The following ATP2B4 variants were observed in gnomAD, a reference collection of about 807,000 sequenced individuals.
The protein encoded by ATP2B4 is ATPase plasma membrane Ca2+ transporting 4.
In ATP2B4, 39 loss-of-function variants were observed where a neutral mutation model predicts 110.3. The observed-to-expected ratio is 0.35, with a 90% CI of 0.27 to 0.46. The LOEUF is 0.46. ATP2B4 is among the 20% of genes least tolerant of loss of function. ATP2B4 has a pLI of 1.00. For synonymous variants in ATP2B4, 538 were observed against 571.7 expected (o/e 0.94, Z 0.84); for missense variants, 1,135 against 1,530.9 (o/e 0.74, Z 4.32).
intron 1 of ATP2B4, among the ~76,000 whole-genome samples, chr1:203,646,871 C>A (rs533030820): frequency 1.1e-4 from 16 of 152,164 alleles, no homozygotes; most frequent in Non-Finnish European, 1.5e-4. Flanking sequence ...AAAACTAAAA[C>A]GTTCACAAGT....
At position 203,671,198 on chromosome 1, in the gene ATP2B4, C is replaced by T. The variant is rs1016495935; in HGVS notation, c.-464-11544C>T. Among the ~76,000 whole-genome samples the T allele has an allele frequency of 4.2e-4, 64 of 152,146 alleles. 1 individual carries two copies. The highest frequency in any genetic ancestry group is 8.5e-4 in the Admixed American group (13 of 15,264). On this transcript the variant is annotated intron_variant, in intron 1 of 20. Coordinates refer to ENST00000357681, the MANE Select transcript of ATP2B4 (RefSeq NM_001684.5). Reference sequence around the variant, plus strand: ...TACTCACATGTTGTTTAGTGATTGACGACCTATAGCATATTTATTAGTCAG... The same window carrying T: ...TACTCACATGTTGTTTAGTGATTGATGACCTATAGCATATTTATTAGTCAG...
rs1665902164 is a variant in ATP2B4, at chr1:203,708,056, C to G, written c.1509C>G (p.Leu503=). Residue 503 remains leucine, a synonymous_variant, in exon 10 of 21, where the codon CTC becomes CTG. Transcript: ENST00000357681. ...PDVFLPKVLD[L]IVNGISINSA... is the part of the protein sequence containing the mutation. ...TCTTCCTGCCCAAAGTCCTGGACCT[C>G]ATTGTCAATGGCATTTCTATCAACA... The G allele has an allele frequency of 1.2e-6, 2 of 1,614,064 alleles. No individual in the cohort carries two copies. The highest frequency in any genetic ancestry group is 2.2e-5 in the South Asian group (2 of 91,086).
rs1412159559 is a variant in ATP2B4 at position 203,739,965 on chromosome 1, G to C, written c.*111G>C. On this transcript the variant is annotated 3_prime_UTR_variant, in exon 21 of 21. Transcript: ENST00000357681. ...TGTCACGTCAGCTGCTGTGTTAACA[G>C]CAGTGTGTGTGAAGTGAACCTCTAC... The C allele has an allele frequency of 2.2e-5, 26 of 1,200,520 alleles. No individual in the cohort carries two copies. Among genetic ancestry groups the C allele is most frequent in the Non-Finnish European group, 3.0e-5 (26 of 869,198 alleles). The allele number at this position is 1,200,520 out of a possible 1,614,324, so 74.4% of individuals were successfully genotyped here.
chr1:203,699,599 C>T lies in ATP2B4; in HGVS notation c.531C>T (p.Phe177=), dbSNP rs1665630846. Residue 177 remains phenylalanine (F), a synonymous_variant, in exon 4 of 21, where the codon TTC becomes TTT. Coordinates refer to ENST00000357681, the MANE Select transcript of ATP2B4 (RefSeq NM_001684.5). ...ATGATTGGAGCAAAGAGAAGCAATT[C>T]CGGGGGCTGCAGTGCCGCATTGAAC... ...AFNDWSKEKQ[F]RGLQCRIEQE... The T allele has an allele frequency of 6.2e-7, 1 of 1,614,140 alleles. No homozygotes were observed. The highest frequency in any genetic ancestry group is 8.5e-7 in the Non-Finnish European group (1 of 1,180,048).
At chr1:203,645,676 C>T (rs563174540) in intron 1 of ATP2B4, among the ~76,000 whole-genome samples, 4 of 151,674 alleles carry the variant, frequency 2.6e-5, no homozygotes, top group East Asian at 1.9e-4. Context: ...ACTGCAACTC[C>T]GCCTCCTGGG....
chr1:203,656,777 C>G lies in ATP2B4; in HGVS notation c.-464-25965C>G, dbSNP rs188180667. Among the ~76,000 whole-genome samples, 651 of 152,172 alleles carry G rather than the reference C, an allele frequency of 4.3e-3. 3 individuals carry two copies. The highest frequency in any genetic ancestry group is 6.3e-3 in the Non-Finnish European group (430 of 68,010). ...GTATATTTGCTTTTTTTCAATCATT[C>G]AATTTTATGAACATGGGGTCTAAGC... On this transcript the variant is annotated intron_variant, in intron 1 of 20. Coordinates refer to ENST00000357681, the MANE Select transcript of ATP2B4 (RefSeq NM_001684.5).
intron 1 of ATP2B4, among the ~76,000 whole-genome samples, chr1:203,663,520 T>G (rs1571695811): frequency 6.6e-6 from 1 of 152,232 alleles, no homozygotes; most frequent in African/African-American, 2.4e-5. Flanking sequence ...ATTAATCCTC[T>G]GAGCTCATCA....
At chr1:203,644,634 G>A (rs999077075) in intron 1 of ATP2B4, among the ~76,000 whole-genome samples, 1 of 152,186 alleles carries the variant, frequency 6.6e-6, no homozygotes. Context: ...CCCAAACAAT[G>A]CTGCAGATTA....
At chr1:203,673,407 G>A (rs1347841300) in intron 1 of ATP2B4, among the ~76,000 whole-genome samples, 1 of 152,264 alleles carries the variant, frequency 6.6e-6, no homozygotes, top group African/African-American at 2.4e-5. Context: ...AATGGATCCT[G>A]TCTGTGCAAT....
intron 2 of ATP2B4, 23 bp from the exon 3 acceptor site, chr1:203,698,134 A>G (rs368471374): frequency 2.4e-5 from 38 of 1,611,810 alleles, no homozygotes; most frequent in Middle Eastern, 3.3e-4. Context: ...ACATTCATTC[A>G]TCCACTCCTA....
intron 1 of ATP2B4, among the ~76,000 whole-genome samples, chr1:203,664,398 C>T (rs1326816452): frequency 6.6e-6 from 1 of 152,212 alleles, no homozygotes; most frequent in Non-Finnish European, 1.5e-5. Context: ...GAGCAGTTTG[C>T]CTCCACTGTT....
At chr1:203,665,890 TG>T (rs1664488968) in intron 1 of ATP2B4, among the ~76,000 whole-genome samples, 1 of 152,208 alleles carries the variant, frequency 6.6e-6, no homozygotes, top group African/African-American at 2.4e-5. Context: ...TGAGGGGATT[TG>T]TTTAGACTTT....
At chr1:203,703,121 A>T (rs1272562182) in intron 7 of ATP2B4, among the ~76,000 whole-genome samples, 1 of 151,908 alleles carries the variant, frequency 6.6e-6, no homozygotes, top group Non-Finnish European at 1.5e-5. Context: ...AAGGGGCTGG[A>T]AAATACCCTG....
chr1:203,702,160 T>G (rs1665712767), intron 7 of ATP2B4, 81 bp downstream of exon 7: 1 of 1,516,766 alleles, frequency 6.6e-7, no homozygotes, highest in Non-Finnish European at 9.1e-7. Flanking sequence ...TCCTTCTCCC[T>G]TTTCCTCTCC....
chr1:203,710,215 C>G (rs934571930), intron 11 of ATP2B4, among the ~76,000 whole-genome samples: 7 of 151,734 alleles, frequency 4.6e-5, no homozygotes. Context: ...AAAAAAAATA[C>G]AAAAATTAGC....
chr1:203,697,737 G>T (rs1275425378), intron 2 of ATP2B4, among the ~76,000 whole-genome samples: 1 of 152,182 alleles, frequency 6.6e-6, no homozygotes, highest in Non-Finnish European at 1.5e-5. Context: ...GTCTCATTTT[G>T]TTGCCCAGGC....
intron 2 of ATP2B4, among the ~76,000 whole-genome samples, chr1:203,687,731 T>C (rs1173627548): frequency 6.6e-6 from 1 of 152,162 alleles, no homozygotes; most frequent in Non-Finnish European, 1.5e-5. Context: ...CTAACATGGT[T>C]TTATTATCAT....
chr1:203,642,688 CCT>C (rs1663667568), intron 1 of ATP2B4, among the ~76,000 whole-genome samples: 1 of 152,134 alleles, frequency 6.6e-6, no homozygotes, highest in African/African-American at 2.4e-5. Flanking sequence ...ATAAAAATGC[CCT>C]GTGTCCTAAA....
chr1:203,685,270 G>T (rs2102364669), intron 2 of ATP2B4, among the ~76,000 whole-genome samples: 1 of 152,368 alleles, frequency 6.6e-6, no homozygotes. Flanking sequence ...TCATCAAAAT[G>T]TAGAAAGAAC....
Sources: gnomAD v4.1 joint callset for allele counts (sites outside exome capture counted in the v4.1 genomes callset) on GRCh38, gnomAD v4.1.1 for gene constraint, MANE v1.5 for transcripts, NCBI Gene and HGNC (gene_info 2026-07-23, HGNC 2026-07-21) for gene names.